Variants in PIEZO2 observed in about 807,000 individuals in gnomAD.
PIEZO2 encodes piezo type mechanosensitive ion channel component 2, also known as piezo-type mechanosensitive ion channel component 2.
A neutral mutation model predicts 337.3 loss-of-function variants in PIEZO2; 172 were observed. The observed-to-expected ratio is 0.51, with a 90% CI of 0.45 to 0.58. The LOEUF (loss-of-function observed/expected upper bound fraction) is 0.58. Ranked by LOEUF, PIEZO2 falls within the 20% of genes least tolerant of loss-of-function variation. The pLI is 0.00. For synonymous variants in PIEZO2, 1,251 were observed against 1,228.5 expected (o/e 1.02, Z -0.38); for missense variants, 3,028 against 3,391.3 (o/e 0.89, Z 2.66).
rs1252999828 is a variant in PIEZO2, at chr18:11,003,005, T to C, written c.161-23345A>G. Among the ~76,000 whole-genome samples, 1 of 152,184 alleles carries C rather than the reference T, an allele frequency of 6.6e-6. No homozygotes were observed. Among genetic ancestry groups the C allele is most frequent in the Non-Finnish European group, 1.5e-5 (1 of 68,036 alleles). On this transcript the variant is annotated intron_variant, in intron 2 of 55. Transcript: ENST00000674853. This position sits in a 1 kb window ranked among gnomAD's most constrained non-coding sequence, Gnocchi z 4.6. Reference sequence around the variant, plus strand: ...GGCGCTCCTGCTACCAGAGGCTTCCTCCTTGAATGACCAACATCCGTTGCA... The same window carrying C: ...GGCGCTCCTGCTACCAGAGGCTTCCCCCTTGAATGACCAACATCCGTTGCA...
At position 10,972,679 on chromosome 18, in the gene PIEZO2, T is replaced by C. The variant is rs550851102; in HGVS notation, c.286+6856A>G. 2.5e-3 allele frequency among the ~76,000 whole-genome samples: 385 copies of C among 152,284 alleles called. 3 individuals carry two copies. Among genetic ancestry groups the C allele is most frequent in the African/African-American group, 8.9e-3 (371 of 41,566 alleles). ...AACTGAAAAAGACTATCATAGAGAA[T>C]GATTTGGTACCATGCAAGTTCTGTA... On this transcript the variant is annotated intron_variant, in intron 3 of 55. Coordinates refer to ENST00000674853, the MANE Select transcript of PIEZO2 (RefSeq NM_001378183.1).
intron 2 of PIEZO2, among the ~76,000 whole-genome samples, chr18:11,015,213 G>C (rs1478683933): frequency 1.4e-5 from 2 of 147,442 alleles, no homozygotes; most frequent in Non-Finnish European, 3.0e-5. Context: ...GCAATCCGGG[G>C]CCCCCCTCAT....
intron 1 of PIEZO2, among the ~76,000 whole-genome samples, chr18:11,075,343 C>T: frequency 6.6e-6 from 1 of 152,130 alleles, no homozygotes; most frequent in Non-Finnish European, 1.5e-5. Flanking sequence ...ATTAAACAAC[C>T]ATAGATTTTT....
intron 1 of PIEZO2, among the ~76,000 whole-genome samples, chr18:11,100,356 A>G (rs1185165660): frequency 6.6e-6 from 1 of 152,230 alleles, no homozygotes; most frequent in Non-Finnish European, 1.5e-5. Context: ...CCAAAAAGCA[A>G]TGGAATTAAT....
intron 18 of PIEZO2, among the ~76,000 whole-genome samples, chr18:10,776,881 G>A (rs1012524524): frequency 6.6e-6 from 1 of 152,082 alleles, no homozygotes; most frequent in African/African-American, 2.4e-5. Context: ...ACCCACTCTA[G>A]TAAAAATACT....
At position 10,705,391 on chromosome 18, in the gene PIEZO2, T is replaced by G; in HGVS notation, c.5944A>C (p.Ser1982Arg). ...DDSRTDKLGS[S>R]ILPPLTHELT... ...TCATGGGTCAGGGGAGGTAAGATGC[T>G]GGACCCCAGCTTGTCGGTGCGGCTG... is the stretch of plus-strand genomic sequence containing the variant. Residue 1982 changes from serine (S) to arginine (R), a missense_variant, in exon 41 of 56, where the codon AGC becomes CGC. Physicochemically the swap from Ser to Arg is moderately radical, Grantham distance 110. This residue lies in a region of PIEZO2 where 1,925 missense variants were observed against 2,051.9 expected (regional missense o/e 0.94). Transcript: ENST00000674853. 2 of 1,537,268 alleles carry G rather than the reference T, an allele frequency of 1.3e-6. No individual in the cohort carries two copies. The highest frequency in any genetic ancestry group is 1.7e-6 in the Non-Finnish European group (2 of 1,146,898).
chr18:11,120,590 A>T (rs1185983889), intron 1 of PIEZO2, among the ~76,000 whole-genome samples: 1 of 152,236 alleles, frequency 6.6e-6, no homozygotes, highest in East Asian at 1.9e-4. Context: ...GAGTTAAAGG[A>T]CTACTGAACA....
At chr18:11,081,761 T>C (rs1355396059) in intron 1 of PIEZO2, among the ~76,000 whole-genome samples, 4 of 139,508 alleles carry the variant, frequency 2.9e-5, no homozygotes, top group Non-Finnish European at 6.5e-5. Flanking sequence ...CAACTCAACT[T>C]TTTTTTTTTT....
intron 3 of PIEZO2, among the ~76,000 whole-genome samples, chr18:10,957,516 G>A (rs1302603505): frequency 1.3e-5 from 2 of 151,642 alleles, no homozygotes; most frequent in Non-Finnish European, 2.9e-5. Flanking sequence ...TACAAAAATC[G>A]CTGAAATGAG....
intron 7 of PIEZO2, among the ~76,000 whole-genome samples, chr18:10,840,102 G>C (rs1297717089): frequency 5.9e-5 from 9 of 152,110 alleles, no homozygotes; most frequent in Admixed American, 5.9e-4. Context: ...GGGTCAAAAG[G>C]ATCATTCTTG....
rs145266789 is a variant in PIEZO2 at position 10,782,837 on chromosome 18, A to G, written c.2492+1947T>C. 8.8e-3 allele frequency among the ~76,000 whole-genome samples: 1,342 copies of G among 152,206 alleles called. 9 individuals are homozygous for G. Among genetic ancestry groups the G allele is most frequent in the Non-Finnish European group, 0.015 (1,011 of 67,998 alleles). ...CTTTCCCCAGAACCTGCATAGGCTA[A>G]ACACTGCTATACACGCTTAAAGGGA... On this transcript the variant is annotated intron_variant, in intron 17 of 55. Coordinates refer to ENST00000674853, the MANE Select transcript of PIEZO2 (RefSeq NM_001378183.1).
In PIEZO2 at chr18:10,988,609, G is replaced by A. The variant is rs80244714; in HGVS notation, c.161-8949C>T. On this transcript the variant is annotated intron_variant, in intron 2 of 55. Coordinates refer to ENST00000674853, the MANE Select transcript of PIEZO2 (RefSeq NM_001378183.1). This position sits in a 1 kb window ranked among gnomAD's most constrained non-coding sequence, Gnocchi z 4.8. ...CATTCAAAATAACTGAAATCAGGAT[G>A]TCAAAAACCTATCTGCACACCCATG... Among the ~76,000 whole-genome samples, 2 of 152,104 alleles carry A rather than the reference G, an allele frequency of 1.3e-5. No homozygotes were observed. Among genetic ancestry groups the A allele is most frequent in the Non-Finnish European group, 2.9e-5 (2 of 68,012 alleles).
At chr18:10,849,219 C>T (rs958986439) in intron 7 of PIEZO2, among the ~76,000 whole-genome samples, 2 of 152,134 alleles carry the variant, frequency 1.3e-5, no homozygotes, top group African/African-American at 4.8e-5. Context: ...GCCATGTTGG[C>T]CATGCTGGTC....
intron 2 of PIEZO2, among the ~76,000 whole-genome samples, chr18:11,043,465 C>T (rs547488636): frequency 1.3e-4 from 20 of 152,234 alleles, no homozygotes; most frequent in African/African-American, 4.8e-4. Context: ...ATCATAACTA[C>T]AACACAAACA....
chr18:10,860,547 C>T (rs761656152), intron 5 of PIEZO2, among the ~76,000 whole-genome samples: 2 of 152,148 alleles, frequency 1.3e-5, no homozygotes, highest in Non-Finnish European at 2.9e-5. Context: ...ACACAAATGA[C>T]CTGCTCATCA....
At chr18:10,718,138 A>T in intron 37 of PIEZO2, 62 bp downstream of exon 37, 1 of 1,387,730 alleles carries the variant, frequency 7.2e-7, no homozygotes, top group Non-Finnish European at 9.9e-7. Flanking sequence ...TCCATTATAT[A>T]CGATCTGGGC....
intron 13 of PIEZO2, among the ~76,000 whole-genome samples, chr18:10,793,801 T>C (rs2039489671): frequency 6.6e-6 from 1 of 152,152 alleles, no homozygotes; most frequent in Non-Finnish European, 1.5e-5. Context: ...ATTCCCTTGG[T>C]CCATGAACAC....
intron 8 of PIEZO2, 54 bp downstream of exon 8, chr18:10,807,058 T>G: frequency 3.4e-5 from 49 of 1,459,740 alleles, no homozygotes; most frequent in Middle Eastern, 1.7e-4. Context: ...TCATTTCACG[T>G]GGAGATTCTA....
In PIEZO2 at chr18:10,726,955, GCAGA is replaced by G. The variant is rs2036569877; in HGVS notation, c.5029+4448_5029+4451del. ...GCCCGACTGATGTAGGTTGAGGGCTGCAGACAGAGGCCCTGGACAGAAGCTCCAG... is the reference window on the plus strand; with the variant it reads ...GCCCGACTGATGTAGGTTGAGGGCTGCAGAGGCCCTGGACAGAAGCTCCAG... On this transcript the variant is annotated intron_variant, in intron 36 of 55. Coordinates refer to ENST00000674853, the MANE Select transcript of PIEZO2 (RefSeq NM_001378183.1). This position sits in a 1 kb window ranked among gnomAD's most constrained non-coding sequence, Gnocchi z 5.9. 1.4e-6 allele frequency: 2 copies of G among 1,411,096 alleles called. No individual in the cohort carries two copies. The highest frequency in any genetic ancestry group is 1.4e-5 in the South Asian group (1 of 73,812). 87.4% of individuals were successfully genotyped at this position (1,411,096 alleles called of 1,614,324 possible).
Sources: allele counts gnomAD v4.1 joint callset (sites outside exome capture counted in the v4.1 genomes callset), GRCh38; gene constraint gnomAD v4.1.1; regional missense constraint gnomAD v4.1.1; non-coding constraint Gnocchi (gnomAD v3.1); transcripts MANE v1.5; gene names NCBI Gene and HGNC (gene_info 2026-07-23, HGNC 2026-07-21).